The following KIZ variants were observed in gnomAD, a reference collection of about 807,000 sequenced individuals.
KIZ encodes the protein kizuna centrosomal protein.
In KIZ, 68 loss-of-function variants were observed where a neutral mutation model predicts 79.6. The observed-to-expected ratio is 0.85, with a 90% CI of 0.70 to 1.05. KIZ has a LOEUF of 1.05. KIZ is among the 50% of genes least tolerant of loss of function. The pLI is 0.00. For synonymous variants in KIZ, 280 were observed against 281.8 expected (o/e 0.99, Z 0.06); for missense variants, 797 against 800.4 (o/e 1.00, Z 0.05).
intron 6 of KIZ, among the ~76,000 whole-genome samples, chr20:21,172,705 A>G (rs1292133007): frequency 6.6e-6 from 1 of 152,180 alleles, no homozygotes; most frequent in African/African-American, 2.4e-5. Flanking sequence ...TCTCTATGGT[A>G]AGATGGTAGT....
chr20:21,205,414 G>A (rs140330456), intron 6 of KIZ, 77 bp from the exon 7 acceptor site: 23 of 601,426 alleles, frequency 3.8e-5, no homozygotes, highest in East Asian at 2.2e-4. Flanking sequence ...TTCTACTAAC[G>A]TAATTGAGGC....
chr20:21,155,932 T>TA (rs1327431028), intron 4 of KIZ, among the ~76,000 whole-genome samples: 1 of 152,236 alleles, frequency 6.6e-6, no homozygotes, highest in East Asian at 1.9e-4. Context: ...CATATAGAAT[T>TA]ACTGAATCAA....
At chr20:21,175,116 C>T (rs759015181) in intron 6 of KIZ, among the ~76,000 whole-genome samples, 2 of 152,132 alleles carry the variant, frequency 1.3e-5, no homozygotes, top group Admixed American at 6.5e-5. Context: ...GTCCTTTGTT[C>T]CCAAAGTAAG....
At chr20:21,179,760 G>C (rs1350786056) in intron 6 of KIZ, among the ~76,000 whole-genome samples, 1 of 151,930 alleles carries the variant, frequency 6.6e-6, no homozygotes, top group Non-Finnish European at 1.5e-5. Flanking sequence ...TCGGTATGTT[G>C]TATTTTTGTT....
At chr20:21,135,165 A>G (rs1457842819) in intron 2 of KIZ, among the ~76,000 whole-genome samples, 1 of 152,150 alleles carries the variant, frequency 6.6e-6, no homozygotes, top group Non-Finnish European at 1.5e-5. Flanking sequence ...TATATGGATA[A>G]TTGCATGGGT....
intron 3 of KIZ, among the ~76,000 whole-genome samples, chr20:21,139,786 G>C (rs889035334): frequency 2.0e-5 from 3 of 152,058 alleles, no homozygotes; most frequent in Non-Finnish European, 4.4e-5. Flanking sequence ...ATTTTAACAT[G>C]ACAAACTAGA....
chr20:21,127,643 T>G (rs1263167343), intron 1 of KIZ, among the ~76,000 whole-genome samples: 1 of 152,250 alleles, frequency 6.6e-6, no homozygotes, highest in Non-Finnish European at 1.5e-5. Context: ...CTGTGTGTGT[T>G]CATTTTTCAT....
At chr20:21,143,373 C>T (rs567353275) in intron 3 of KIZ, among the ~76,000 whole-genome samples, 1 of 152,212 alleles carries the variant, frequency 6.6e-6, no homozygotes, top group Non-Finnish European at 1.5e-5. Flanking sequence ...CACTTTCAGG[C>T]AAACAGTAAA....
At chr20:21,141,798 AACAC>A (rs373681499) in intron 3 of KIZ, among the ~76,000 whole-genome samples, 561 of 133,328 alleles carry the variant, frequency 4.2e-3, no homozygotes, top group East Asian at 0.014. Flanking sequence ...TACTCCTCCC[AACAC>A]ACACACACAC....
intron 9 of KIZ, among the ~76,000 whole-genome samples, chr20:21,219,638 A>C (rs2036435827): frequency 6.6e-6 from 1 of 152,188 alleles, no homozygotes; most frequent in African/African-American, 2.4e-5. Flanking sequence ...TTAAAAGAGC[A>C]TTGTGGAAGG....
intron 1 of KIZ, among the ~76,000 whole-genome samples, chr20:21,128,823 T>A (rs973261118): frequency 1.5e-4 from 23 of 152,168 alleles, no homozygotes; most frequent in Admixed American, 1.2e-3. Context: ...GAGTAAGATA[T>A]CATAATAGTC....
intron 3 of KIZ, among the ~76,000 whole-genome samples, chr20:21,141,478 C>T (rs1321142163): frequency 1.3e-5 from 2 of 151,552 alleles, no homozygotes; most frequent in African/African-American, 4.9e-5. Context: ...ATTAACCAAA[C>T]ACTCTCCAGA....
At chr20:21,204,319 T>G (rs1364636668) in intron 6 of KIZ, among the ~76,000 whole-genome samples, 2 of 151,018 alleles carry the variant, frequency 1.3e-5, no homozygotes, top group South Asian at 4.2e-4. Context: ...GTTTCACCGT[T>G]TTAGCCGGGA....
At chr20:21,241,240 G>C (rs1041469548) in intron 11 of KIZ, among the ~76,000 whole-genome samples, 3 of 152,126 alleles carry the variant, frequency 2.0e-5, no homozygotes, top group Admixed American at 6.5e-5. Flanking sequence ...TATTAGGTAT[G>C]ACCTAGAGAA....
intron 4 of KIZ, among the ~76,000 whole-genome samples, chr20:21,149,252 T>C (rs1253574081): frequency 6.6e-6 from 1 of 152,198 alleles, no homozygotes; most frequent in East Asian, 1.9e-4. Context: ...TATGGGTAGC[T>C]CTTCAAAAGT....
chr20:21,143,655 A>G (rs1410305661), intron 3 of KIZ, among the ~76,000 whole-genome samples: 1 of 152,208 alleles, frequency 6.6e-6, no homozygotes. Context: ...CAGACAGAAC[A>G]AGTTACCTGA....
intron 6 of KIZ, among the ~76,000 whole-genome samples, chr20:21,188,822 C>G (rs2034998594): frequency 6.6e-6 from 1 of 152,062 alleles, no homozygotes; most frequent in East Asian, 1.9e-4. Flanking sequence ...GCCTCAGCCT[C>G]CCAAGTAGCT....
chr20:21,235,512 C>T (rs1436416321), intron 11 of KIZ, among the ~76,000 whole-genome samples: 1 of 152,142 alleles, frequency 6.6e-6, no homozygotes, highest in East Asian at 1.9e-4. Flanking sequence ...CCACTTGTTC[C>T]CTTTTGTTCA....
chr20:21,153,753 T>G (rs2033234219), intron 4 of KIZ, among the ~76,000 whole-genome samples: 1 of 152,178 alleles, frequency 6.6e-6, no homozygotes, highest in Admixed American at 6.6e-5. Flanking sequence ...AGAAGGGGCC[T>G]TCTCACTGTG....
Sources: gnomAD v4.1 joint callset for allele counts (sites outside exome capture counted in the v4.1 genomes callset) on GRCh38, gnomAD v4.1.1 for gene constraint, MANE v1.5 for transcripts, NCBI Gene and HGNC (gene_info 2026-07-23, HGNC 2026-07-21) for gene names.